AKAP6: variants seen among roughly 807,000 people sequenced by gnomAD.
AKAP6 encodes the protein A-kinase anchoring protein 6.
Under a neutral mutation model 188.5 loss-of-function variants are expected in AKAP6, and 58 were observed. The observed-to-expected ratio is 0.31, with a 90% confidence interval of 0.25 to 0.38. The LOEUF (loss-of-function observed/expected upper bound fraction) is 0.38, where lower values mean the gene tolerates loss of function less well. Ranked by LOEUF, AKAP6 falls within the 10% of genes least tolerant of loss-of-function variation. AKAP6 has a pLI of 1.00. For missense variants in AKAP6, 2,710 were observed against 2,740.0 expected, an observed-to-expected ratio of 0.99 and a Z score of 0.24; for synonymous variants, 989 against 998.6, an observed-to-expected ratio of 0.99 and a Z score of 0.18.
intron 2 of AKAP6, among the ~76,000 whole-genome samples, chr14:32,467,148 C>G (rs1235783666): frequency 1.3e-5 from 2 of 148,366 alleles, no homozygotes; most frequent in African/African-American, 5.0e-5. Context: ...ACTCCTGTGA[C>G]ACACAATTTA....
intron 11 of AKAP6, among the ~76,000 whole-genome samples, chr14:32,736,434 T>G (rs567008884): frequency 3.3e-5 from 5 of 152,204 alleles, no homozygotes; most frequent in Admixed American, 3.3e-4. Context: ...ATTTTCACTG[T>G]ATGTCCATGG....
At chr14:32,510,734 A>C (rs1881215811) in intron 2 of AKAP6, among the ~76,000 whole-genome samples, 1 of 152,020 alleles carries the variant, frequency 6.6e-6, no homozygotes, top group African/African-American at 2.4e-5. Context: ...TACTTTTTCT[A>C]ACTTCAAGAT....
intron 1 of AKAP6, among the ~76,000 whole-genome samples, chr14:32,425,673 T>A (rs1294774768): frequency 2.6e-5 from 4 of 152,044 alleles, no homozygotes; most frequent in Non-Finnish European, 5.9e-5. Flanking sequence ...GCTGTTCATA[T>A]CCTTTGCTCA....
At position 32,412,084 on chromosome 14, in the gene AKAP6, C is replaced by G. The variant is rs886723030; in HGVS notation, c.-34-21376C>G. The stretch of plus-strand genomic sequence containing the variant: ...TCCTTTATTACATAAAACAAGCAAA[C>G]AAAAAAACATTTTCCAGTAGTTACT... On this transcript the variant is annotated intron_variant, in intron 1 of 13. Coordinates refer to ENST00000280979, the MANE Select transcript of AKAP6 (RefSeq NM_004274.5). Among the ~76,000 whole-genome samples, 6 of 151,992 alleles carry G rather than the reference C, an allele frequency of 3.9e-5. No homozygotes were observed. In the South Asian group the frequency reaches 1.2e-3, roughly 32 times the overall value.
intron 8 of AKAP6, among the ~76,000 whole-genome samples, chr14:32,694,876 A>T (rs1461724458): frequency 6.6e-6 from 1 of 152,184 alleles, no homozygotes; most frequent in East Asian, 1.9e-4. Flanking sequence ...TCAACTGAAA[A>T]ATTCAGATTC....
intron 7 of AKAP6, among the ~76,000 whole-genome samples, chr14:32,661,739 G>A (rs1888709281): frequency 6.6e-6 from 1 of 152,068 alleles, no homozygotes; most frequent in Admixed American, 6.6e-5. Context: ...ACTGGAGTTG[G>A]AGCCAGAAAC....
At chr14:32,764,850 C>T (rs2032658121) in intron 11 of AKAP6, among the ~76,000 whole-genome samples, 1 of 151,650 alleles carries the variant, frequency 6.6e-6, no homozygotes, top group African/African-American at 2.4e-5. Context: ...GTGAAAATAA[C>T]CAAGAAAATA....
At chr14:32,686,668 G>C (rs1032106850) in intron 8 of AKAP6, among the ~76,000 whole-genome samples, 1 of 152,140 alleles carries the variant, frequency 6.6e-6, no homozygotes, top group South Asian at 2.1e-4. Context: ...TCAGCCATAA[G>C]ACAGGAACTA....
chr14:32,468,968 T>C (rs1878614877), intron 2 of AKAP6, among the ~76,000 whole-genome samples: 1 of 152,198 alleles, frequency 6.6e-6, no homozygotes, highest in Non-Finnish European at 1.5e-5. Flanking sequence ...CCTAGTGGAA[T>C]GTGTGAAAAA....
intron 5 of AKAP6, among the ~76,000 whole-genome samples, chr14:32,587,472 G>A (rs188256680): frequency 5.9e-5 from 9 of 152,310 alleles, no homozygotes; most frequent in Admixed American, 3.9e-4. Flanking sequence ...GTGTTCTAGG[G>A]AGTTTGCTTA....
chr14:32,662,369 T>C (rs1454991419), intron 7 of AKAP6, among the ~76,000 whole-genome samples: 1 of 152,092 alleles, frequency 6.6e-6, no homozygotes, highest in Non-Finnish European at 1.5e-5. Context: ...CTCACTGTTG[T>C]CTTTTATTCT....
At chr14:32,398,686 T>C (rs2138606296) in intron 1 of AKAP6, among the ~76,000 whole-genome samples, 1 of 152,168 alleles carries the variant, frequency 6.6e-6, no homozygotes, top group South Asian at 2.1e-4. Context: ...GCCTTTATAG[T>C]GGCATTTCTC....
intron 9 of AKAP6, among the ~76,000 whole-genome samples, chr14:32,722,544 C>T (rs942427254): frequency 2.6e-5 from 4 of 152,098 alleles, no homozygotes; most frequent in African/African-American, 4.8e-5. Context: ...CCTGGCCCAC[C>T]ACGCCCCCTA....
intron 3 of AKAP6, among the ~76,000 whole-genome samples, chr14:32,539,949 C>T (rs1003688689): frequency 6.6e-6 from 1 of 151,858 alleles, no homozygotes; most frequent in South Asian, 2.1e-4. Context: ...TCATGATCTC[C>T]GCATCTCTAA....
intron 12 of AKAP6, among the ~76,000 whole-genome samples, chr14:32,798,042 C>T (rs1327385687): frequency 6.6e-6 from 1 of 150,786 alleles, no homozygotes; most frequent in Non-Finnish European, 1.5e-5. Context: ...CTTAAATCAA[C>T]AAGAAAATAA....
Position 32,334,966 on chromosome 14 carries a change from T to C in AKAP6, c.-35+5558T>C, listed in dbSNP as rs115895146. On this transcript the variant is annotated intron_variant, in intron 1 of 13. Coordinates refer to ENST00000280979, the MANE Select transcript of AKAP6 (RefSeq NM_004274.5). ...CTTTATTTTATTTTCAGATTTTTTT[T>C]TGGAGACAGGGTTTTACTCTGTTGT... is the stretch of plus-strand genomic sequence containing the variant. 3.2e-3 allele frequency among the ~76,000 whole-genome samples: 482 copies of C among 152,292 alleles called. 3 individuals carry two copies. The highest frequency in any genetic ancestry group is 0.011 in the African/African-American group (459 of 41,556).
intron 1 of AKAP6, among the ~76,000 whole-genome samples, chr14:32,370,987 T>G (rs948583859): frequency 6.6e-6 from 1 of 152,172 alleles, no homozygotes; most frequent in Non-Finnish European, 1.5e-5. Flanking sequence ...TTAAACTCAC[T>G]CAGGCTGATT....
At chr14:32,643,318 T>A (rs571822096) in intron 7 of AKAP6, among the ~76,000 whole-genome samples, 1 of 152,020 alleles carries the variant, frequency 6.6e-6, no homozygotes, top group African/African-American at 2.4e-5. Flanking sequence ...TTCTTTTCTT[T>A]TTTTTTTTAG....
intron 5 of AKAP6, among the ~76,000 whole-genome samples, chr14:32,594,736 A>G (rs1885622920): frequency 6.6e-6 from 1 of 152,182 alleles, no homozygotes; most frequent in Non-Finnish European, 1.5e-5. Flanking sequence ...CTGACTGAAC[A>G]CACATTCTTC....
Sources: allele counts gnomAD v4.1 joint callset (sites outside exome capture counted in the v4.1 genomes callset), GRCh38; gene constraint gnomAD v4.1.1; transcripts MANE v1.5; gene names NCBI Gene and HGNC (gene_info 2026-07-23, HGNC 2026-07-21).